The following CTNND2 variants were observed in gnomAD, a reference collection of about 807,000 sequenced individuals.
CTNND2 encodes catenin delta-2.
A neutral mutation model predicts 144.4 loss-of-function variants in CTNND2; 22 were observed. The observed-to-expected ratio is 0.15, with a 90% CI of 0.11 to 0.22. The LOEUF (loss-of-function observed/expected upper bound fraction) is 0.22, where lower values mean the gene tolerates loss of function less well. CTNND2 is among the 10% of genes least tolerant of loss of function. The pLI is 1.00. For missense variants in CTNND2, 1,353 were observed against 1,618.8 expected, an observed-to-expected ratio of 0.84 and a Z score of 2.82; for synonymous variants, 751 against 695.6, an observed-to-expected ratio of 1.08 and a Z score of -1.25.
chr5:11,654,660 T>G (rs1027171966), intron 2 of CTNND2, among the ~76,000 whole-genome samples: 2 of 135,368 alleles, frequency 1.5e-5, no homozygotes, highest in Admixed American at 7.1e-5. Context: ...GTCTTTAGGG[T>G]TTTTTTTTTT....
chr5:11,004,770 C>CAAAAAA (rs56261802), intron 18 of CTNND2, among the ~76,000 whole-genome samples: 18 of 88,834 alleles, frequency 2.0e-4, no homozygotes, highest in Non-Finnish European at 2.6e-4. Context: ...CTCCTTCTCA[C>CAAAAAA]AAAAAAAAAA....
intron 3 of CTNND2, among the ~76,000 whole-genome samples, chr5:11,467,508 C>A (rs1766793482): frequency 6.6e-6 from 1 of 152,188 alleles, no homozygotes; most frequent in Admixed American, 6.5e-5. Flanking sequence ...ACAGAATATT[C>A]AATGAGTGTC....
intron 3 of CTNND2, among the ~76,000 whole-genome samples, chr5:11,423,459 G>A (rs548669704): frequency 2.0e-5 from 3 of 152,296 alleles, no homozygotes; most frequent in African/African-American, 7.2e-5. Context: ...GACATTTCAA[G>A]TTTCACTCTT....
chr5:11,771,999 C>CTTCATTGT (rs1468011812), intron 1 of CTNND2, among the ~76,000 whole-genome samples: 1 of 152,154 alleles, frequency 6.6e-6, no homozygotes, highest in Admixed American at 6.5e-5. Flanking sequence ...AGGACAGTTA[C>CTTCATTGT]TTCATTGTTT....
chr5:11,691,130 G>C (rs753057215), intron 2 of CTNND2, among the ~76,000 whole-genome samples: 1 of 152,042 alleles, frequency 6.6e-6, no homozygotes, highest in Non-Finnish European at 1.5e-5. Flanking sequence ...CCAGCACTTC[G>C]GGAGGCCGAG....
At chr5:11,626,879 G>C (rs1781181862) in intron 2 of CTNND2, among the ~76,000 whole-genome samples, 2 of 152,176 alleles carry the variant, frequency 1.3e-5, no homozygotes, top group South Asian at 4.1e-4. Context: ...TTAATTCTAA[G>C]TTTTAAAAAT....
chr5:11,470,242 GCTGA>G (rs986832051), intron 3 of CTNND2, among the ~76,000 whole-genome samples: 3 of 151,996 alleles, frequency 2.0e-5, no homozygotes, highest in African/African-American at 7.2e-5. Flanking sequence ...TCGAGACCAG[GCTGA>G]CTAACATGGA....
At chr5:11,638,289 AAC>A (rs1444999855) in intron 2 of CTNND2, among the ~76,000 whole-genome samples, 1 of 152,192 alleles carries the variant, frequency 6.6e-6, no homozygotes, top group African/African-American at 2.4e-5. Flanking sequence ...GAAAGCCAGT[AAC>A]ACTTATTTTT....
chr5:11,303,617 A>C (rs758141403), intron 9 of CTNND2, among the ~76,000 whole-genome samples: 6 of 152,132 alleles, frequency 3.9e-5, no homozygotes, highest in Non-Finnish European at 8.8e-5. Flanking sequence ...CCTGATCACT[A>C]TTCCTTCTTC....
At chr5:11,847,298 T>C (rs1794797300) in intron 1 of CTNND2, among the ~76,000 whole-genome samples, 1 of 151,494 alleles carries the variant, frequency 6.6e-6, no homozygotes, top group Admixed American at 6.6e-5. Context: ...AATGGAATAC[T>C]ATTCGGCCAT....
chr5:11,902,444 C>T (rs180712945), intron 1 of CTNND2, among the ~76,000 whole-genome samples: 1 of 152,268 alleles, frequency 6.6e-6, no homozygotes, highest in East Asian at 1.9e-4. Context: ...AGCCCCGAAG[C>T]CTTGTCATTA....
intron 2 of CTNND2, among the ~76,000 whole-genome samples, chr5:11,661,309 G>A (rs1261463770): frequency 6.6e-6 from 1 of 152,180 alleles, no homozygotes; most frequent in East Asian, 1.9e-4. Context: ...CAAGAGATAT[G>A]TAGGCTATGG....
intron 1 of CTNND2, among the ~76,000 whole-genome samples, chr5:11,836,115 T>C (rs908909812): frequency 2.0e-5 from 3 of 152,220 alleles, no homozygotes; most frequent in Non-Finnish European, 2.9e-5. Flanking sequence ...TTTCCAAATG[T>C]TGGGAGATAT....
At chr5:11,489,615 T>C (rs1769195832) in intron 3 of CTNND2, among the ~76,000 whole-genome samples, 1 of 152,204 alleles carries the variant, frequency 6.6e-6, no homozygotes, top group South Asian at 2.1e-4. Context: ...GGGAGATGCA[T>C]TCTCCTGGAT....
At chr5:11,489,354 C>T (rs915332778) in intron 3 of CTNND2, among the ~76,000 whole-genome samples, 7 of 152,168 alleles carry the variant, frequency 4.6e-5, no homozygotes, top group African/African-American at 1.7e-4. Context: ...GATTCAGTGT[C>T]TATTCAAGTC....
chr5:11,794,599 A>G (rs1791304758), intron 1 of CTNND2, among the ~76,000 whole-genome samples: 1 of 152,242 alleles, frequency 6.6e-6, no homozygotes, highest in Non-Finnish European at 1.5e-5. Flanking sequence ...TGAAAGCATA[A>G]CTTATACATC....
At position 11,767,049 on chromosome 5, in the gene CTNND2, C is replaced by T. The variant is rs112605924; in HGVS notation, c.38-34777G>A. 4.1e-3 allele frequency among the ~76,000 whole-genome samples: 617 copies of T among 152,166 alleles called. 8 individuals carry two copies. Among genetic ancestry groups the T allele is most frequent in the African/African-American group, 0.013 (560 of 41,528 alleles). On this transcript the variant is annotated intron_variant, in intron 1 of 21. Transcript: ENST00000304623. ...CCATCTACATTGTCATCTGGGTCTT[C>T]GTGACTCCATGTAGTTAGTACACCA...
chr5:11,480,809 G>T (rs751045434), intron 3 of CTNND2, among the ~76,000 whole-genome samples: 3 of 152,068 alleles, frequency 2.0e-5, no homozygotes, highest in Non-Finnish European at 2.9e-5. Flanking sequence ...AGCTGCACAT[G>T]CTGGCAAAAC....
At chr5:11,138,015 C>G (rs747709231) in intron 12 of CTNND2, among the ~76,000 whole-genome samples, 1 of 152,168 alleles carries the variant, frequency 6.6e-6, no homozygotes, top group Non-Finnish European at 1.5e-5. Flanking sequence ...TTTGGAGGTG[C>G]TAGGGGAAAA....
Sources: allele counts gnomAD v4.1 joint callset (sites outside exome capture counted in the v4.1 genomes callset), GRCh38; gene constraint gnomAD v4.1.1; transcripts MANE v1.5; gene names NCBI Gene and HGNC (gene_info 2026-07-23, HGNC 2026-07-21).